Variants in DNAJC24 observed in about 807,000 individuals in gnomAD.
DNAJC24 encodes the protein DnaJ heat shock protein family (Hsp40) member C24.
In DNAJC24, 17 loss-of-function variants were observed where a neutral mutation model predicts 18.0. The observed-to-expected ratio is 0.94, with a 90% CI of 0.65 to 1.42. The LOEUF (loss-of-function observed/expected upper bound fraction) is 1.42, where lower values mean the gene tolerates loss of function less well. Ranked by LOEUF, DNAJC24 falls within the 40% of genes most tolerant of loss-of-function variation. The pLI, the probability that DNAJC24 is intolerant of heterozygous loss-of-function variation, is 0.00. For missense variants in DNAJC24, 158 were observed against 175.6 expected, an observed-to-expected ratio of 0.90 and a Z score of 0.57; for synonymous variants, 55 against 57.7, an observed-to-expected ratio of 0.95 and a Z score of 0.21.
At chr11:31,423,409 C>T (rs1400764817) in intron 3 of DNAJC24, among the ~76,000 whole-genome samples, 2 of 152,120 alleles carry the variant, frequency 1.3e-5, no homozygotes, top group African/African-American at 2.4e-5. Flanking sequence ...TGCAGGCGCA[C>T]ACCACCACAC....
At chr11:31,372,935 A>G (rs1272108020) in intron 2 of DNAJC24, among the ~76,000 whole-genome samples, 2 of 134,194 alleles carry the variant, frequency 1.5e-5, no homozygotes, top group Admixed American at 7.6e-5. Flanking sequence ...TCACTGGACT[A>G]CTCTACAGTG....
chr11:31,430,233 T>A, intron 4 of DNAJC24, 38 bp from the exon 5 acceptor site: 4 of 1,577,280 alleles, frequency 2.5e-6, no homozygotes, highest in Non-Finnish European at 3.5e-6. Flanking sequence ...GGTAGTTACT[T>A]ACAAGTCTTT....
intron 1 of DNAJC24, 105 bp from the exon 2 acceptor site, chr11:31,370,608 AATC>A (rs1368174934): frequency 3.9e-6 from 2 of 507,478 alleles, no homozygotes; most frequent in African/African-American, 4.0e-5. Context: ...TTTGCATTAT[AATC>A]ATGATTTACT....
At chr11:31,373,512 G>A (rs76441383) in intron 2 of DNAJC24, among the ~76,000 whole-genome samples, 3,228 of 135,028 alleles carry the variant, frequency 0.024, 354 homozygotes, top group African/African-American at 0.075. Context: ...TTTATAATCA[G>A]TCTCAAAGTC....
At chr11:31,381,958 C>A (rs1044592624) in intron 2 of DNAJC24, among the ~76,000 whole-genome samples, 3 of 152,108 alleles carry the variant, frequency 2.0e-5, no homozygotes, top group Non-Finnish European at 2.9e-5. Flanking sequence ...TTATACTTTT[C>A]AAATTAGTTA....
chr11:31,417,411 A>C (rs1952759983), intron 3 of DNAJC24: 1 of 152,108 alleles, frequency 6.6e-6, no homozygotes, highest in African/African-American at 2.4e-5. Context: ...CAAAAAAAGG[A>C]AATGAACTTG....
At chr11:31,403,079 T>G (rs1445179098) in intron 2 of DNAJC24, among the ~76,000 whole-genome samples, 1 of 152,102 alleles carries the variant, frequency 6.6e-6, no homozygotes, top group Non-Finnish European at 1.5e-5. Context: ...TTTTTATAGA[T>G]TCTTAAAAAT....
At chr11:31,428,539 T>C (rs1952887533) in intron 4 of DNAJC24, among the ~76,000 whole-genome samples, 1 of 152,252 alleles carries the variant, frequency 6.6e-6, no homozygotes, top group South Asian at 2.1e-4. Context: ...ATTTGCAGAA[T>C]AGCTATGGAA....
chr11:31,411,316 A>C (rs768967241), intron 2 of DNAJC24, among the ~76,000 whole-genome samples: 2 of 152,206 alleles, frequency 1.3e-5, no homozygotes, highest in Non-Finnish European at 2.9e-5. Context: ...GAAACTTCTT[A>C]AAACATTCTA....
At chr11:31,421,981 CCT>C (rs1368826462) in intron 3 of DNAJC24, 1 of 445,444 alleles carries the variant, frequency 2.2e-6, no homozygotes, top group East Asian at 7.1e-5. Flanking sequence ...GGCTCATAAA[CCT>C]CTCTGATGAG....
chr11:31,416,879 G>A (rs1208846437), intron 3 of DNAJC24: 10 of 152,078 alleles, frequency 6.6e-5, no homozygotes, highest in Admixed American at 3.9e-4. Flanking sequence ...TTGGAACTGC[G>A]GATTTCTTTT....
At chr11:31,417,356 T>C (rs963262382) in intron 3 of DNAJC24, 10 of 152,098 alleles carry the variant, frequency 6.6e-5, no homozygotes, top group Non-Finnish European at 1.3e-4. Context: ...TTGAATACCG[T>C]TATTAATTTT....
intron 2 of DNAJC24, among the ~76,000 whole-genome samples, chr11:31,390,569 G>A (rs1321083289): frequency 1.3e-5 from 2 of 151,548 alleles, no homozygotes; most frequent in African/African-American, 4.8e-5. Flanking sequence ...AGCTGGGCCT[G>A]GTGGCGCATG....
At chr11:31,404,736 T>C (rs1952637780) in intron 2 of DNAJC24, among the ~76,000 whole-genome samples, 1 of 152,176 alleles carries the variant, frequency 6.6e-6, no homozygotes, top group Non-Finnish European at 1.5e-5. Context: ...CATAATAAGC[T>C]TTTATTCAGT....
rs139228781 is a variant in DNAJC24, at chr11:31,373,869, T to A, written c.111+3010T>A. ...TTTGGTTCCATTATAAATGGTATTT[T>A]AAAAAATAATTCATTTTTCACTTGT... On this transcript the variant is annotated intron_variant, in intron 2 of 4. Transcript: ENST00000465995. 1.6e-4 allele frequency among the ~76,000 whole-genome samples: 21 copies of A among 135,368 alleles called. 2 individuals are homozygous for A. Among genetic ancestry groups the A allele is most frequent in the African/African-American group, 5.2e-4 (21 of 40,414 alleles). 88.8% of individuals were successfully genotyped at this position (135,368 alleles called of 152,430 possible).
chr11:31,383,715 T>C (rs748346309), intron 2 of DNAJC24, among the ~76,000 whole-genome samples: 1 of 152,340 alleles, frequency 6.6e-6, no homozygotes, highest in East Asian at 1.9e-4. Flanking sequence ...GCCCCCCGGA[T>C]TGCTGTATTG....
At chr11:31,399,617 T>C (rs1952578577) in intron 2 of DNAJC24, among the ~76,000 whole-genome samples, 1 of 151,828 alleles carries the variant, frequency 6.6e-6, no homozygotes, top group Non-Finnish European at 1.5e-5. Context: ...TTCCAACATA[T>C]TGGCCAGGCT....
chr11:31,397,301 G>T (rs773599648), intron 2 of DNAJC24, among the ~76,000 whole-genome samples: 3 of 152,086 alleles, frequency 2.0e-5, no homozygotes, highest in Non-Finnish European at 2.9e-5. Context: ...AGTTTTACAC[G>T]TGGGTTATAT....
At chr11:31,388,849 A>G (rs1243189483) in intron 2 of DNAJC24, among the ~76,000 whole-genome samples, 2 of 151,982 alleles carry the variant, frequency 1.3e-5, no homozygotes, top group East Asian at 3.8e-4. Flanking sequence ...ATAGAAACAA[A>G]CATTTAAAAA....
Sources: gnomAD v4.1 joint callset for allele counts (sites outside exome capture counted in the v4.1 genomes callset) on GRCh38, gnomAD v4.1.1 for gene constraint, MANE v1.5 for transcripts, NCBI Gene and HGNC (gene_info 2026-07-23, HGNC 2026-07-21) for gene names.